The following KIRREL3 variants were observed in gnomAD, a reference collection of about 807,000 sequenced individuals.
KIRREL3 encodes the protein kin of IRRE-like protein 3.
KIRREL3 carries 36 observed loss-of-function variants against 89.7 expected under a neutral mutation model. That is an observed-to-expected ratio of 0.40 (90% CI 0.31 to 0.53). The LOEUF is 0.53. Ranked by LOEUF, KIRREL3 falls within the 20% of genes least tolerant of loss-of-function variation. The probability of loss-of-function intolerance (pLI) is 0.49; values close to 1 mark genes in which losing one functional copy is unlikely to be tolerated. For missense variants in KIRREL3, 864 were observed against 1,056.6 expected, an observed-to-expected ratio of 0.82 and a Z score of 2.53; for synonymous variants, 445 against 441.4, an observed-to-expected ratio of 1.01 and a Z score of -0.10.
intron 4 of KIRREL3, among the ~76,000 whole-genome samples, chr11:126,518,389 C>T (rs576762210): frequency 2.0e-5 from 3 of 152,320 alleles, no homozygotes; most frequent in South Asian, 2.1e-4. Context: ...CTTGGTACTT[C>T]GATGGAAGAC....
chr11:126,526,589 C>A lies in KIRREL3; in HGVS notation c.232G>T (p.Val78Phe), dbSNP rs780770440. 15 of 1,612,284 alleles carry A rather than the reference C, an allele frequency of 9.3e-6. No homozygotes were observed. Among genetic ancestry groups the A allele is most frequent in the Non-Finnish European group, 1.7e-6 (2 of 1,179,350 alleles). Residue 78 changes from valine to phenylalanine, a missense_variant, in exon 3 of 17, where the codon GTT becomes TTT. By Grantham distance (50) the Val-to-Phe change is conservative. Transcript: ENST00000525144. The surrounding 1 kb of genome is among the most constrained non-coding windows in gnomAD (Gnocchi z 5.7). ...LCAIPEYDGF[V>F]LWIKDGLALG... ...GCCAAGCCGTCCTTGATCCACAGAA[C>A]GAAGCCATCGTATTCGGGGATGGCG...
intron 2 of KIRREL3, among the ~76,000 whole-genome samples, chr11:126,538,658 G>C (rs621479): frequency 6.6e-6 from 1 of 151,818 alleles, no homozygotes; most frequent in East Asian, 1.9e-4. Flanking sequence ...ACTGACTGAC[G>C]GATAAAAATG....
rs1409476385 is a variant in KIRREL3 at position 126,609,200 on chromosome 11, G to A, written c.56-46288C>T. ...AGACCGGACCTCAGGAAAGGGGTGC[G>A]GGGAAGGTTGGGTTCAGAAGGAGAG... On this transcript the variant is annotated intron_variant, in intron 1 of 16. Transcript: ENST00000525144. This position sits in a 1 kb window ranked among gnomAD's most constrained non-coding sequence, Gnocchi z 5.0. Among the ~76,000 whole-genome samples, 2 of 152,240 alleles carry A rather than the reference G, an allele frequency of 1.3e-5. No individual in the cohort carries two copies. Among genetic ancestry groups the A allele is most frequent in the Non-Finnish European group, 1.5e-5 (1 of 68,018 alleles).
At chr11:126,479,040 CAT>C (rs955067616) in intron 4 of KIRREL3, among the ~76,000 whole-genome samples, 2 of 152,170 alleles carry the variant, frequency 1.3e-5, no homozygotes, top group African/African-American at 2.4e-5. Flanking sequence ...TTGTCTGGAA[CAT>C]AGGATGGGAG....
At chr11:126,617,580 G>C (rs945131190) in intron 1 of KIRREL3, among the ~76,000 whole-genome samples, 2 of 152,166 alleles carry the variant, frequency 1.3e-5, no homozygotes, top group African/African-American at 4.8e-5. Flanking sequence ...CCATCTCATT[G>C]AATATTGATG....
In KIRREL3 at chr11:126,523,770, C is replaced by G. The variant is rs764452720; in HGVS notation, c.284-2306G>C. Among the ~76,000 whole-genome samples, 3 of 152,190 alleles carry G rather than the reference C, an allele frequency of 2.0e-5. No individual in the cohort carries two copies. Among genetic ancestry groups the G allele is most frequent in the African/African-American group, 7.2e-5 (3 of 41,452 alleles). On this transcript the variant is annotated intron_variant, in intron 3 of 16. Transcript: ENST00000525144. The surrounding 1 kb of genome is among the most constrained non-coding windows in gnomAD (Gnocchi z 4.9). ...CTACCCCCAGCCCCTCCAGCCCAGC[C>G]TCTGGATCCCACTATCCTGTGATTA...
chr11:126,765,481 A>C (rs549191113), intron 1 of KIRREL3, among the ~76,000 whole-genome samples: 3 of 152,328 alleles, frequency 2.0e-5, no homozygotes, highest in East Asian at 3.9e-4. Context: ...ACAGGTGTTC[A>C]TAATGCTTTA....
intron 2 of KIRREL3, among the ~76,000 whole-genome samples, chr11:126,556,477 C>T (rs560626245): frequency 7.6e-4 from 115 of 152,096 alleles, no homozygotes; most frequent in Admixed American, 1.2e-3. Context: ...ACTGTCTCTA[C>T]GAAAATTTAA....
At chr11:126,532,807 G>A (rs150712637) in intron 2 of KIRREL3, among the ~76,000 whole-genome samples, 30 of 152,182 alleles carry the variant, frequency 2.0e-4, no homozygotes, top group African/African-American at 4.8e-4. Context: ...GTAAAGTTTA[G>A]TACTGGCCAC....
intron 1 of KIRREL3, among the ~76,000 whole-genome samples, chr11:126,971,294 T>C (rs1401232588): frequency 6.6e-6 from 1 of 152,174 alleles, no homozygotes; most frequent in Non-Finnish European, 1.5e-5. Flanking sequence ...AGGCAACTCA[T>C]TCAGTGCCCC....
chr11:126,540,253 C>G (rs911619253), intron 2 of KIRREL3, among the ~76,000 whole-genome samples: 1 of 152,174 alleles, frequency 6.6e-6, no homozygotes, highest in African/African-American at 2.4e-5. Flanking sequence ...AGAAGCTTGC[C>G]AGTCTCATGA....
intron 5 of KIRREL3, among the ~76,000 whole-genome samples, chr11:126,467,317 G>C (rs573630172): frequency 6.6e-6 from 1 of 152,230 alleles, no homozygotes; most frequent in South Asian, 2.1e-4. Context: ...CGGCCTGGGA[G>C]GCCGGTCTTC....
At chr11:126,604,609 G>A (rs1422426191) in intron 1 of KIRREL3, among the ~76,000 whole-genome samples, 1 of 152,180 alleles carries the variant, frequency 6.6e-6, no homozygotes, top group Non-Finnish European at 1.5e-5. Flanking sequence ...GTTCTGATCC[G>A]TTGGCTTACA....
intron 9 of KIRREL3, among the ~76,000 whole-genome samples, chr11:126,446,347 C>CT (rs144983341): frequency 3.4e-4 from 39 of 114,782 alleles, no homozygotes; most frequent in Non-Finnish European, 6.1e-4. Flanking sequence ...CTTTCTTCTT[C>CT]TTTTTTTTCC....
rs1181912040 is a variant in KIRREL3, at chr11:126,441,107, G to C, written c.1253-558C>G. 6.6e-6 allele frequency among the ~76,000 whole-genome samples: 1 copy of C among 152,220 alleles called. No homozygotes were observed. The highest frequency in any genetic ancestry group is 2.4e-5 in the African/African-American group (1 of 41,458). On this transcript the variant is annotated intron_variant, in intron 10 of 16. Transcript: ENST00000525144. The surrounding 1 kb of genome is among the most constrained non-coding windows in gnomAD (Gnocchi z 5.0). ...CTCTCCTTAGGGCGGGAATCACCCC[G>C]GACAGGGGGAATGCATGCGCTGGCC...
chr11:126,457,917 G>C (rs888960510), intron 6 of KIRREL3, among the ~76,000 whole-genome samples: 1 of 152,198 alleles, frequency 6.6e-6, no homozygotes, highest in Non-Finnish European at 1.5e-5. Flanking sequence ...GGTGGGAAGG[G>C]CTTCCATCAG....
At chr11:126,923,116 C>CT (rs2134993014) in intron 1 of KIRREL3, among the ~76,000 whole-genome samples, 1 of 62,086 alleles carries the variant, frequency 1.6e-5, no homozygotes, top group East Asian at 2.3e-4. Flanking sequence ...TTCTCCTTCT[C>CT]CTTCTCCTTC....
rs567193054 is a variant in KIRREL3 at position 126,683,832 on chromosome 11, G to T, written c.56-120920C>A. ...GCTTATGTGGTAGAAACAGGAAGCC[G>T]TCTTGAAACCCTCGCCAGGCCCCAG... On this transcript the variant is annotated intron_variant, in intron 1 of 16. Transcript: ENST00000525144. This position sits in a 1 kb window ranked among gnomAD's most constrained non-coding sequence, Gnocchi z 5.2. Among the ~76,000 whole-genome samples the T allele has an allele frequency of 3.9e-5, 6 of 152,322 alleles. No homozygotes were observed. The South Asian group carries it at 1.2e-3, about 32-fold the overall frequency.
In KIRREL3 at chr11:126,744,084, T is replaced by C. The variant is rs1592060850; in HGVS notation, c.56-181172A>G. On this transcript the variant is annotated intron_variant, in intron 1 of 16. Transcript: ENST00000525144. The surrounding 1 kb of genome is among the most constrained non-coding windows in gnomAD (Gnocchi z 4.7). ...GAGGAGCAGAAAATGTTCCAGAAAG[T>C]TGGGACTAGCCAAGGGGCAGAGGGC... Among the ~76,000 whole-genome samples the C allele has an allele frequency of 3.3e-5, 5 of 152,148 alleles. No homozygotes were observed. The South Asian group carries it at 1.0e-3, about 32-fold the overall frequency.
Sources: gnomAD v4.1 joint callset for allele counts (sites outside exome capture counted in the v4.1 genomes callset) on GRCh38, gnomAD v4.1.1 for gene constraint, Gnocchi (gnomAD v3.1) non-coding constraint, MANE v1.5 for transcripts, NCBI Gene and HGNC (gene_info 2026-07-23, HGNC 2026-07-21) for gene names.